Variants in EYS observed in about 807,000 individuals in gnomAD.
EYS encodes the protein EGF-like photoreceptor maintenance factor.
Under a neutral mutation model 282.1 loss-of-function variants are expected in EYS, and 250 were observed. That is an observed-to-expected ratio of 0.89 (90% CI 0.80 to 0.98). The LOEUF (loss-of-function observed/expected upper bound fraction) is 0.98, where lower values mean the gene tolerates loss of function less well. Ranked by LOEUF, EYS falls within the 50% of genes least tolerant of loss-of-function variation. The probability of loss-of-function intolerance (pLI) is 0.00; values close to 1 mark genes in which losing one functional copy is unlikely to be tolerated. For missense variants in EYS, 4,016 were observed against 3,709.0 expected, an observed-to-expected ratio of 1.08 and a Z score of -2.15; for synonymous variants, 1,355 against 1,282.9, an observed-to-expected ratio of 1.06 and a Z score of -1.20.
intron 12 of EYS, among the ~76,000 whole-genome samples, chr6:65,242,031 G>A (rs1337434201): frequency 6.6e-6 from 1 of 152,014 alleles, no homozygotes; most frequent in Admixed American, 6.6e-5. Context: ...CTACAGATAA[G>A]TTTTTAAATG....
chr6:64,707,620 A>G (rs1039492843), intron 22 of EYS, among the ~76,000 whole-genome samples: 2 of 148,288 alleles, frequency 1.3e-5, no homozygotes, highest in South Asian at 2.1e-4. Flanking sequence ...AGTGGAGATC[A>G]CGCCACTGCA....
At chr6:65,537,296 T>C (rs1402748993) in intron 2 of EYS, among the ~76,000 whole-genome samples, 3 of 152,128 alleles carry the variant, frequency 2.0e-5, no homozygotes, top group Non-Finnish European at 4.4e-5. Context: ...TGTATACCTA[T>C]GTAACAAACC....
intron 5 of EYS, among the ~76,000 whole-genome samples, chr6:65,428,595 C>G (rs1023104048): frequency 2.0e-5 from 3 of 151,938 alleles, no homozygotes; most frequent in Middle Eastern, 3.4e-3. Flanking sequence ...TCTCCTTCTT[C>G]TCAAGCCATT....
chr6:65,664,209 G>T (rs928473845), intron 1 of EYS, among the ~76,000 whole-genome samples: 1 of 152,064 alleles, frequency 6.6e-6, no homozygotes, highest in African/African-American at 2.4e-5. Flanking sequence ...TAGAAAAACA[G>T]AATAATAATA....
chr6:64,109,071 T>A (rs1172527574), intron 31 of EYS, among the ~76,000 whole-genome samples: 1 of 152,128 alleles, frequency 6.6e-6, no homozygotes, highest in African/African-American at 2.4e-5. Flanking sequence ...GAGACCTTCC[T>A]CTGTATATTA....
chr6:64,706,739 A>G (rs1317863284), intron 22 of EYS, among the ~76,000 whole-genome samples: 1 of 152,242 alleles, frequency 6.6e-6, no homozygotes, highest in Non-Finnish European at 1.5e-5. Context: ...TGATCAGGAA[A>G]ATGCAAATCA....
intron 35 of EYS, among the ~76,000 whole-genome samples, chr6:63,972,707 C>G (rs748048810): frequency 1.2e-4 from 18 of 152,082 alleles, no homozygotes; most frequent in Admixed American, 7.2e-4. Flanking sequence ...AACCCCCTGA[C>G]AGGCCCCGGT....
chr6:64,033,433 G>A (rs1769956807), intron 33 of EYS, among the ~76,000 whole-genome samples: 1 of 152,118 alleles, frequency 6.6e-6, no homozygotes, highest in South Asian at 2.1e-4. Context: ...AATATTTTAA[G>A]TTAATTCAAG....
At chr6:64,400,081 GTGAATATATCA>G (rs1773495795) in intron 28 of EYS, among the ~76,000 whole-genome samples, 1 of 151,944 alleles carries the variant, frequency 6.6e-6, no homozygotes, top group Non-Finnish European at 1.5e-5. Context: ...TTGGGGAAAA[GTGAATATATCA>G]TGAGGGAAAT....
chr6:64,722,180 T>C (rs1341137833), intron 22 of EYS, among the ~76,000 whole-genome samples: 1 of 152,054 alleles, frequency 6.6e-6, no homozygotes, highest in East Asian at 1.9e-4. Flanking sequence ...ATGATGGAAA[T>C]GGTCTAAAAG....
At chr6:64,120,430 A>G (rs912692649) in intron 31 of EYS, among the ~76,000 whole-genome samples, 3 of 151,742 alleles carry the variant, frequency 2.0e-5, no homozygotes, top group South Asian at 4.2e-4. Flanking sequence ...CAACCAAAAC[A>G]ATGATAATAC....
At chr6:64,930,031 A>T (rs1768658726) in intron 15 of EYS, among the ~76,000 whole-genome samples, 1 of 152,286 alleles carries the variant, frequency 6.6e-6, no homozygotes, top group South Asian at 2.1e-4. Flanking sequence ...TCTGCTATAG[A>T]TAATTGCTTT....
At chr6:65,110,902 G>C (rs1205171832) in intron 12 of EYS, among the ~76,000 whole-genome samples, 1 of 151,940 alleles carries the variant, frequency 6.6e-6, no homozygotes, top group Non-Finnish European at 1.5e-5. Flanking sequence ...ATAGCATAGA[G>C]AACAAATTTG....
chr6:65,314,920 T>C (rs546591302), intron 11 of EYS, among the ~76,000 whole-genome samples: 1 of 152,148 alleles, frequency 6.6e-6, no homozygotes, highest in East Asian at 1.9e-4. Context: ...CTTTGACTAA[T>C]TTGATTAAAT....
chr6:65,211,728 G>C (rs952973352), intron 12 of EYS, among the ~76,000 whole-genome samples: 1 of 151,814 alleles, frequency 6.6e-6, no homozygotes, highest in Non-Finnish European at 1.5e-5. Flanking sequence ...AGGAATATCT[G>C]TAGGAGGGGC....
At chr6:65,178,583 G>T (rs948671972) in intron 12 of EYS, among the ~76,000 whole-genome samples, 7 of 152,104 alleles carry the variant, frequency 4.6e-5, no homozygotes, top group African/African-American at 7.2e-5. Flanking sequence ...GACCTACAAA[G>T]AGACTTAGAC....
chr6:64,971,563 T>G (rs1770294409), intron 14 of EYS, among the ~76,000 whole-genome samples: 1 of 152,166 alleles, frequency 6.6e-6, no homozygotes, highest in Admixed American at 6.6e-5. Context: ...GATGCTTTGT[T>G]TCTGAAATCA....
intron 29 of EYS, among the ~76,000 whole-genome samples, chr6:64,367,144 A>G (rs1290890308): frequency 3.9e-5 from 6 of 152,092 alleles, no homozygotes; most frequent in Admixed American, 1.3e-4. Context: ...AACCTCAGAA[A>G]GATTTAAGGT....
chr6:64,063,243 A>T (rs192679392), intron 33 of EYS, among the ~76,000 whole-genome samples: 1 of 152,226 alleles, frequency 6.6e-6, no homozygotes, highest in Admixed American at 6.5e-5. Flanking sequence ...CCCTTCTCTG[A>T]CCTTTACTTC....
Sources: allele counts gnomAD v4.1 joint callset (sites outside exome capture counted in the v4.1 genomes callset), GRCh38; gene constraint gnomAD v4.1.1; transcripts MANE v1.5; gene names NCBI Gene and HGNC (gene_info 2026-07-23, HGNC 2026-07-21).